YIPF4: variants seen among roughly 807,000 people sequenced by gnomAD.
YIPF4 encodes the protein protein YIPF4.
A neutral mutation model predicts 29.4 loss-of-function variants in YIPF4; 18 were observed. The ratio of observed to expected loss-of-function variants is 0.61; its 90% CI spans 0.42 to 0.91. YIPF4 has a LOEUF of 0.91. Among genes scored for constraint, YIPF4 ranks in the 40% least tolerant of loss-of-function variants. YIPF4 has a pLI of 0.00. For missense variants in YIPF4, 279 were observed against 282.7 expected (o/e 0.99, Z 0.09); for synonymous variants, 115 against 104.7 (o/e 1.10, Z -0.60).
chr2:32,297,886 G>C (rs1207096215), intron 3 of YIPF4, among the ~76,000 whole-genome samples: 1 of 152,134 alleles, frequency 6.6e-6, no homozygotes, highest in Admixed American at 6.5e-5. Flanking sequence ...AAGACTTCCA[G>C]AGAAGATTGG....
intron 1 of YIPF4, among the ~76,000 whole-genome samples, chr2:32,286,788 C>T (rs2148959515): frequency 6.6e-6 from 1 of 152,226 alleles, no homozygotes; most frequent in East Asian, 1.9e-4. Flanking sequence ...TCGTGATCTG[C>T]CCACCTCGAC....
At chr2:32,304,600 T>C (rs1178896967) in intron 5 of YIPF4, among the ~76,000 whole-genome samples, 5 of 152,186 alleles carry the variant, frequency 3.3e-5, no homozygotes, top group Admixed American at 3.3e-4. Context: ...GACTAGTATA[T>C]AGTGTGTAGA....
Position 32,283,879 on chromosome 2 carries a change from G to A in YIPF4, c.79+5645G>A, listed in dbSNP as rs112059062. On this transcript the variant is annotated intron_variant, in intron 1 of 5. Transcript: ENST00000238831. ...ATTACAGGTGCCTGCCACCATGCTC[G>A]GCTAATTTTTGTATTTTTTTAATAG... 3.7e-3 allele frequency among the ~76,000 whole-genome samples: 569 copies of A among 151,798 alleles called. 7 individuals carry two copies. Among genetic ancestry groups the A allele is most frequent in the African/African-American group, 0.012 (505 of 41,400 alleles).
In YIPF4 at chr2:32,278,661, G is replaced by C. The variant is rs190139740; in HGVS notation, c.79+427G>C. On this transcript the variant is annotated intron_variant, in intron 1 of 5. Coordinates refer to ENST00000238831, the MANE Select transcript of YIPF4 (RefSeq NM_032312.4). ...TTATGTATCAACAGATAATTTTTTGGGGGGGGTCTGGGATCAGATTCGGCA... is the reference window on the plus strand; with the variant it reads ...TTATGTATCAACAGATAATTTTTTGCGGGGGGTCTGGGATCAGATTCGGCA... Among the ~76,000 whole-genome samples the C allele has an allele frequency of 9.9e-5, 15 of 152,134 alleles. No homozygotes were observed. The South Asian group carries it at 1.5e-3, about 15-fold the overall frequency.
At position 32,310,110 on chromosome 2, in the gene YIPF4, T is replaced by C. The variant is rs760306790; in HGVS notation, c.*4484T>C. The C allele has an allele frequency of 6.6e-6, 1 of 152,258 alleles. No individual in the cohort carries two copies. Among genetic ancestry groups the C allele is most frequent in the African/African-American group, 2.4e-5 (1 of 41,472 alleles). 9.4% of individuals were successfully genotyped at this position (152,258 alleles called of 1,614,324 possible). Reference sequence around the variant, plus strand: ...TTACCCAATTCTCTGCACTGACATATGTACACAAAGTAATATTTTATTATT... The same window carrying C: ...TTACCCAATTCTCTGCACTGACATACGTACACAAAGTAATATTTTATTATT... On this transcript the variant is annotated 3_prime_UTR_variant, in exon 6 of 6. Transcript: ENST00000238831.
At chr2:32,278,932 T>A (rs1368333361) in intron 1 of YIPF4, among the ~76,000 whole-genome samples, 1 of 152,176 alleles carries the variant, frequency 6.6e-6, no homozygotes, top group Non-Finnish European at 1.5e-5. Flanking sequence ...CTATTCTCAG[T>A]TCCCTATCCA....
intron 1 of YIPF4, among the ~76,000 whole-genome samples, chr2:32,282,565 T>G (rs779633833): frequency 2.6e-5 from 4 of 152,042 alleles, no homozygotes; most frequent in Non-Finnish European, 4.4e-5. Flanking sequence ...CCCAAGTAGC[T>G]GGGATTACAG....
chr2:32,307,999 A>G lies in YIPF4; in HGVS notation c.*2373A>G, dbSNP rs1172891318. The stretch of plus-strand genomic sequence containing the variant: ...GCAAGACACAGTACTGCTATGGCTA[A>G]TAATGGTAAGATGACCCTAATAATG... On this transcript the variant is annotated 3_prime_UTR_variant, in exon 6 of 6. Transcript: ENST00000238831. 6.6e-6 allele frequency: 1 copy of G among 151,558 alleles called. No individual in the cohort carries two copies. The highest frequency in any genetic ancestry group is 1.5e-5 in the Non-Finnish European group (1 of 67,952). 9.4% of individuals were successfully genotyped at this position (151,558 alleles called of 1,614,324 possible).
At chr2:32,280,648 C>G (rs1426205943) in intron 1 of YIPF4, among the ~76,000 whole-genome samples, 2 of 152,084 alleles carry the variant, frequency 1.3e-5, no homozygotes, top group Non-Finnish European at 2.9e-5. Context: ...TCCCAAAGTG[C>G]TGGGATTACA....
chr2:32,283,337 A>T (rs530128426), intron 1 of YIPF4, among the ~76,000 whole-genome samples: 1 of 152,138 alleles, frequency 6.6e-6, no homozygotes, highest in Non-Finnish European at 1.5e-5. Flanking sequence ...TTTTTTAACC[A>T]TGAATATTTT....
In YIPF4 at chr2:32,305,607, C is replaced by T. The variant is rs375039400; in HGVS notation, c.716C>T (p.Ser239Leu). Residue 239 changes from serine (S) to leucine (L), a missense_variant, in exon 6 of 6, where the codon TCG (serine) becomes TTG (leucine). By Grantham distance (145) the Ser-to-Leu change is moderately radical (BLOSUM62 -2). Coordinates refer to ENST00000238831, the MANE Select transcript of YIPF4 (RefSeq NM_032312.4). ...TTTTTATTATACATTTATTTTTTGT[C>T]GTTATATACTGGTGTGTGATCCAAG... ...PIFLLYIYFL[S>L]LYTGV 24 of 1,603,438 alleles carry T rather than the reference C, an allele frequency of 1.5e-5. No individual in the cohort carries two copies. The highest frequency in any genetic ancestry group is 2.0e-5 in the Non-Finnish European group (24 of 1,175,846).
chr2:32,305,745 G>A lies in YIPF4; in HGVS notation c.*119G>A, dbSNP rs1295162486. Reference sequence around the variant, plus strand: ...AAATTTTACATGTTCCAGATGGAAAGGGAAGTCTAAGCGCTTTTTAAAACA... The same window carrying A: ...AAATTTTACATGTTCCAGATGGAAAAGGAAGTCTAAGCGCTTTTTAAAACA... On this transcript the variant is annotated 3_prime_UTR_variant, in exon 6 of 6. Transcript: ENST00000238831. The A allele has an allele frequency of 7.8e-7, 1 of 1,286,572 alleles. No homozygotes were observed. The highest frequency in any genetic ancestry group is 3.9e-5 in the Admixed American group (1 of 25,768). The allele number at this position is 1,286,572 out of a possible 1,614,324, so 79.7% of individuals were successfully genotyped here.
intron 1 of YIPF4, among the ~76,000 whole-genome samples, chr2:32,286,771 C>T (rs761162074): frequency 3.3e-5 from 5 of 152,124 alleles, no homozygotes; most frequent in Admixed American, 6.6e-5. Context: ...GTCTCGATCT[C>T]TTGACCTCGT....
At chr2:32,303,887 C>G (rs1022769632) in intron 5 of YIPF4, among the ~76,000 whole-genome samples, 1 of 152,142 alleles carries the variant, frequency 6.6e-6, no homozygotes, top group African/African-American at 2.4e-5. Context: ...CACTCACTTA[C>G]CATCATTTCC....
At position 32,314,394 on chromosome 2, in the gene YIPF4, C is replaced by T. The variant is rs2031779296; in HGVS notation, c.*8768C>T. 6.6e-6 allele frequency: 1 copy of T among 152,232 alleles called. No individual in the cohort carries two copies. The highest frequency in any genetic ancestry group is 1.5e-5 in the Non-Finnish European group (1 of 68,060). 9.4% of individuals were successfully genotyped at this position (152,232 alleles called of 1,614,324 possible). On this transcript the variant is annotated 3_prime_UTR_variant, in exon 6 of 6. Transcript: ENST00000238831. ...TTAAAACAGCTTTAGAATTCCTTGGCCAGGTGCGGTGGCTTACGCCTGTAA... is the reference window on the plus strand; with the variant it reads ...TTAAAACAGCTTTAGAATTCCTTGGTCAGGTGCGGTGGCTTACGCCTGTAA...
chr2:32,305,834 TTC>T lies in YIPF4; in HGVS notation c.*210_*211del. The T allele has an allele frequency of 8.4e-7, 1 of 1,193,746 alleles. No individual in the cohort carries two copies. Among genetic ancestry groups the T allele is most frequent in the Non-Finnish European group, 1.0e-6 (1 of 964,962 alleles). 73.9% of individuals were successfully genotyped at this position (1,193,746 alleles called of 1,614,324 possible). ...GGGATTTTTGGGTCAGAATTTTAAATTCTGTTTGATTCTCCATATTCCAGTGA... is the reference window on the plus strand; with the variant it reads ...GGGATTTTTGGGTCAGAATTTTAAATTGTTTGATTCTCCATATTCCAGTGA... On this transcript the variant is annotated 3_prime_UTR_variant, in exon 6 of 6. Transcript: ENST00000238831.
chr2:32,314,906 G>T lies in YIPF4; in HGVS notation c.*9280G>T, dbSNP rs2031791973. Reference sequence around the variant, plus strand: ...GTAGCATGTCAAATTGGTATAAAAAGATGGAATATTAAATAAGTGGGGATA... The same window carrying T: ...GTAGCATGTCAAATTGGTATAAAAATATGGAATATTAAATAAGTGGGGATA... On this transcript the variant is annotated 3_prime_UTR_variant, in exon 6 of 6. Coordinates refer to ENST00000238831, the MANE Select transcript of YIPF4 (RefSeq NM_032312.4). 1 of 152,130 alleles carries T rather than the reference G, an allele frequency of 6.6e-6. No individual in the cohort carries two copies. 9.4% of individuals were successfully genotyped at this position (152,130 alleles called of 1,614,324 possible).
chr2:32,298,138 A>G (rs2031264320), intron 3 of YIPF4, 96 bp from the exon 4 acceptor site: 1 of 916,876 alleles, frequency 1.1e-6, no homozygotes. Flanking sequence ...GAAATTGGGC[A>G]TGCTAAACTG....
chr2:32,288,446 T>A lies in YIPF4; in HGVS notation c.80-2037T>A, dbSNP rs75921417. Reference sequence around the variant, plus strand: ...GTTGTTAAGGTCCTTTCCAGCCTCATAACTGCAAAACCTCTAATGTCACTG... The same window carrying A: ...GTTGTTAAGGTCCTTTCCAGCCTCAAAACTGCAAAACCTCTAATGTCACTG... On this transcript the variant is annotated intron_variant, in intron 1 of 5. Coordinates refer to ENST00000238831, the MANE Select transcript of YIPF4 (RefSeq NM_032312.4). 3.5e-3 allele frequency among the ~76,000 whole-genome samples: 535 copies of A among 152,296 alleles called. 3 individuals carry two copies. The highest frequency in any genetic ancestry group is 0.012 in the African/African-American group (480 of 41,562).
Sources: allele counts gnomAD v4.1 joint callset (sites outside exome capture counted in the v4.1 genomes callset), GRCh38; gene constraint gnomAD v4.1.1; transcripts MANE v1.5; gene names NCBI Gene and HGNC (gene_info 2026-07-23, HGNC 2026-07-21).